FNDC3A: variants seen among roughly 807,000 people sequenced by gnomAD.
FNDC3A encodes fibronectin type III domain containing 3A, also known as fibronectin type-III domain-containing protein 3A.
In FNDC3A, 32 loss-of-function variants were observed where a neutral mutation model predicts 148.9. The ratio of observed to expected loss-of-function variants is 0.21; its 90% confidence interval spans 0.16 to 0.29. FNDC3A has a LOEUF of 0.29. Ranked by LOEUF, FNDC3A falls within the 10% of genes least tolerant of loss-of-function variation. The pLI is 1.00. For missense variants in FNDC3A, 1,191 were observed against 1,452.8 expected, an observed-to-expected ratio of 0.82 and a Z score of 2.93; for synonymous variants, 472 against 473.6, an observed-to-expected ratio of 1.00 and a Z score of 0.04.
At chr13:49,182,038 T>C (rs1885333376) in intron 14 of FNDC3A, among the ~76,000 whole-genome samples, 1 of 152,172 alleles carries the variant, frequency 6.6e-6, no homozygotes, top group African/African-American at 2.4e-5. Context: ...CTGGAGTGCA[T>C]TGGCACAATC....
chr13:49,191,714 G>T (rs1885897593), intron 19 of FNDC3A, among the ~76,000 whole-genome samples: 1 of 151,994 alleles, frequency 6.6e-6, no homozygotes, highest in Non-Finnish European at 1.5e-5. Flanking sequence ...GAAGTTTTTT[G>T]AGGCTGATTG....
intron 2 of FNDC3A, among the ~76,000 whole-genome samples, chr13:49,015,568 T>G (rs1185624330): frequency 6.6e-6 from 1 of 152,216 alleles, no homozygotes; most frequent in Non-Finnish European, 1.5e-5. Flanking sequence ...GACTTCCTCT[T>G]TTCCTAATTG....
At chr13:49,118,352 G>A (rs779323871) in intron 4 of FNDC3A, among the ~76,000 whole-genome samples, 16 of 152,146 alleles carry the variant, frequency 1.1e-4, no homozygotes, top group Non-Finnish European at 2.2e-4. Context: ...CACAGTCTTC[G>A]CAACCCGCAG....
chr13:49,178,978 C>T (rs1031131906), intron 14 of FNDC3A, among the ~76,000 whole-genome samples: 1 of 152,164 alleles, frequency 6.6e-6, no homozygotes, highest in African/African-American at 2.4e-5. Flanking sequence ...CTTCCTGCCT[C>T]GGCCTCCCAG....
At chr13:49,126,268 T>C (rs1002627292) in intron 4 of FNDC3A, among the ~76,000 whole-genome samples, 1 of 148,204 alleles carries the variant, frequency 6.7e-6, no homozygotes, top group Non-Finnish European at 1.5e-5. Flanking sequence ...GGGGTTTTTT[T>C]TGTTTGTTTT....
At chr13:49,152,978 T>C (rs1883410259) in intron 8 of FNDC3A, among the ~76,000 whole-genome samples, 1 of 150,162 alleles carries the variant, frequency 6.7e-6, no homozygotes, top group Admixed American at 6.6e-5. Flanking sequence ...GCAGTAAACA[T>C]ACGTGTGCAT....
At chr13:49,054,786 T>C (rs1223491209) in intron 2 of FNDC3A, among the ~76,000 whole-genome samples, 1 of 152,266 alleles carries the variant, frequency 6.6e-6, no homozygotes, top group Non-Finnish European at 1.5e-5. Context: ...TGCCTGGCCC[T>C]AGCCAGGATC....
chr13:49,204,327 T>G (rs1404959556), intron 25 of FNDC3A, among the ~76,000 whole-genome samples: 2 of 152,222 alleles, frequency 1.3e-5, no homozygotes, highest in Non-Finnish European at 2.9e-5. Flanking sequence ...GATTTTCCCT[T>G]TTTCCTGTAA....
intron 4 of FNDC3A, among the ~76,000 whole-genome samples, chr13:49,115,956 T>G (rs1013968809): frequency 3.3e-5 from 5 of 152,204 alleles, no homozygotes; most frequent in Non-Finnish European, 7.3e-5. Context: ...TGTTTTCTAC[T>G]TCTTTGTTGC....
intron 4 of FNDC3A, among the ~76,000 whole-genome samples, chr13:49,124,260 A>G (rs1881551014): frequency 6.6e-6 from 1 of 152,102 alleles, no homozygotes; most frequent in African/African-American, 2.4e-5. Flanking sequence ...CAAACACCAC[A>G]TGTTCTCACT....
At position 49,208,066 on chromosome 13, in the gene FNDC3A, T is replaced by C. The variant is rs558326667; in HGVS notation, c.*671T>C. On this transcript the variant is annotated 3_prime_UTR_variant, in exon 26 of 26. Transcript: ENST00000492622. ...TTTACTTGGCCTAAAAATATTTTGA[T>C]GTTTACTCAAAAAGTACCTCTTCAG... is the stretch of plus-strand genomic sequence containing the variant. The C allele has an allele frequency of 2.6e-5, 4 of 152,474 alleles. No individual in the cohort carries two copies. The highest frequency in any genetic ancestry group is 2.6e-4 in the Admixed American group (4 of 15,302). 9.4% of individuals were successfully genotyped at this position (152,474 alleles called of 1,614,324 possible).
chr13:49,129,832 T>A (rs894918718), intron 4 of FNDC3A, among the ~76,000 whole-genome samples: 1 of 152,204 alleles, frequency 6.6e-6, no homozygotes, highest in African/African-American at 2.4e-5. Context: ...TTAATGTTTG[T>A]AATTTAGGCT....
intron 20 of FNDC3A, 95 bp downstream of exon 20, chr13:49,197,085 A>G (rs1055036600): frequency 1.5e-6 from 1 of 680,580 alleles, no homozygotes; most frequent in South Asian, 2.4e-5. Flanking sequence ...TACCGCCTAT[A>G]TTATACAGAG....
In FNDC3A at chr13:49,203,280, A is replaced by G; in HGVS notation, c.3278A>G (p.Lys1093Arg). 1 of 1,606,556 alleles carries G rather than the reference A, an allele frequency of 6.2e-7. No individual in the cohort carries two copies. Among genetic ancestry groups the G allele is most frequent in the South Asian group, 1.1e-5 (1 of 90,504 alleles). Residue 1093 changes from lysine (K) to arginine (R), a missense_variant, in exon 25 of 26, where the codon AAA (lysine) becomes AGA (arginine). Coordinates refer to ENST00000492622, the MANE Select transcript of FNDC3A (RefSeq NM_001079673.2). ...QVMLGKDSEFKQIYKGPDSSF... is the reference protein window; with the variant it reads ...QVMLGKDSEFRQIYKGPDSSF... Reference sequence around the variant, plus strand: ...ATGTTGGGAAAAGATTCAGAATTCAAACAGGTATGTACCAAGATATTAATG... The same window carrying G: ...ATGTTGGGAAAAGATTCAGAATTCAGACAGGTATGTACCAAGATATTAATG...
At chr13:49,119,786 G>A (rs1210877345) in intron 4 of FNDC3A, among the ~76,000 whole-genome samples, 1 of 151,968 alleles carries the variant, frequency 6.6e-6, no homozygotes, top group African/African-American at 2.4e-5. Flanking sequence ...GACAAGATTA[G>A]AGAGACAAGA....
intron 14 of FNDC3A, among the ~76,000 whole-genome samples, chr13:49,184,569 C>T (rs1018539604): frequency 6.6e-6 from 1 of 152,002 alleles, no homozygotes; most frequent in Non-Finnish European, 1.5e-5. Context: ...CAAAGTCAGC[C>T]GAGTAAGTTT....
In FNDC3A at chr13:48,978,688, C is replaced by T. The variant is rs558002668; in HGVS notation, c.-40+2511C>T. Among the ~76,000 whole-genome samples, 6 of 151,900 alleles carry T rather than the reference C, an allele frequency of 3.9e-5. No individual in the cohort carries two copies. In the East Asian group the frequency reaches 1.2e-3, roughly 29 times the overall value. On this transcript the variant is annotated intron_variant, in intron 1 of 25. Coordinates refer to ENST00000492622, the MANE Select transcript of FNDC3A (RefSeq NM_001079673.2). Reference sequence around the variant, plus strand: ...TTTGTTTTTTTTGTTTTGTTTTTAGCATTGCCTAGCGGACTTCAAATAAAC... The same window carrying T: ...TTTGTTTTTTTTGTTTTGTTTTTAGTATTGCCTAGCGGACTTCAAATAAAC...
At chr13:49,190,290 C>G (rs1265215899) in intron 17 of FNDC3A, among the ~76,000 whole-genome samples, 1 of 152,024 alleles carries the variant, frequency 6.6e-6, no homozygotes, top group East Asian at 1.9e-4. Flanking sequence ...AGAAAGATGC[C>G]AAGTAACTGG....
chr13:49,067,422 T>G (rs957845955), intron 2 of FNDC3A, among the ~76,000 whole-genome samples: 1 of 152,176 alleles, frequency 6.6e-6, no homozygotes, highest in African/African-American at 2.4e-5. Context: ...TATTAATAGC[T>G]TGGTCAAAAC....
Sources: gnomAD v4.1 joint callset for allele counts (sites outside exome capture counted in the v4.1 genomes callset) on GRCh38, gnomAD v4.1.1 for gene constraint, MANE v1.5 for transcripts, NCBI Gene and HGNC (gene_info 2026-07-23, HGNC 2026-07-21) for gene names.